Variants in TECPR1 observed in about 807,000 individuals in gnomAD.
TECPR1 encodes the protein tectonin beta-propeller repeat-containing protein 1.
TECPR1 carries 122 observed loss-of-function variants against 162.4 expected under a neutral mutation model. The observed-to-expected ratio is 0.75, with a 90% CI of 0.65 to 0.87. TECPR1 has a LOEUF of 0.87. Ranked by LOEUF, TECPR1 falls within the 40% of genes least tolerant of loss-of-function variation. The probability of loss-of-function intolerance (pLI) is 0.00; values close to 1 mark genes in which losing one functional copy is unlikely to be tolerated. For synonymous variants in TECPR1, 642 were observed against 670.6 expected, an observed-to-expected ratio of 0.96 and a Z score of 0.66; for missense variants, 1,432 against 1,618.2, an observed-to-expected ratio of 0.88 and a Z score of 1.97.
At position 98,215,556 on chromosome 7, in the gene TECPR1, G is replaced by C. The variant is rs1013143184; in HGVS notation, c.*1834C>G. The C allele has an allele frequency of 6.6e-6, 1 of 152,308 alleles. No homozygotes were observed. The highest frequency in any genetic ancestry group is 1.5e-5 in the Non-Finnish European group (1 of 68,056). The allele number at this position is 152,308 out of a possible 1,614,324, so 9.4% of individuals were successfully genotyped here. On this transcript the variant is annotated 3_prime_UTR_variant, in exon 26 of 26. Coordinates refer to ENST00000447648, the MANE Select transcript of TECPR1 (RefSeq NM_015395.3). ...TATTGAGTAAAGTATCCGAGGAAGT[G>C]ATGCAGGGCAGGTAAACAGCTGGTG...
intron 19 of TECPR1, 125 bp from the exon 20 acceptor site, chr7:98,223,843 G>A (rs1798207299): frequency 1.9e-6 from 2 of 1,054,462 alleles, no homozygotes; most frequent in East Asian, 5.0e-5. Flanking sequence ...CCATGGATGG[G>A]GTTCAGAGAA....
intron 3 of TECPR1, 183 bp from the exon 4 acceptor site, chr7:98,245,250 T>C: frequency 1.5e-6 from 1 of 647,484 alleles, no homozygotes; most frequent in South Asian, 1.9e-5. Context: ...TGCCACTTCA[T>C]CATGAGCCAG....
At chr7:98,243,744 G>A (rs1002545951) in intron 5 of TECPR1, among the ~76,000 whole-genome samples, 152 bp from the exon 6 acceptor site, 7 of 152,148 alleles carry the variant, frequency 4.6e-5, no homozygotes, top group Non-Finnish European at 7.4e-5. Context: ...CAGGACTGTG[G>A]GGGCCCCTGC....
chr7:98,220,984 C>A (rs1798126100), intron 23 of TECPR1, among the ~76,000 whole-genome samples: 1 of 150,064 alleles, frequency 6.7e-6, no homozygotes, highest in South Asian at 2.2e-4. Context: ...AGCCACTGTG[C>A]CTGGCTAATG....
In TECPR1 at chr7:98,223,018, C is replaced by T. The variant is rs1484380422; in HGVS notation, c.2900G>A (p.Arg967His). 7.4e-6 allele frequency: 12 copies of T among 1,611,598 alleles called. No homozygotes were observed. Among genetic ancestry groups the T allele is most frequent in the Admixed American group, 1.7e-5 (1 of 59,858 alleles). The part of the protein sequence containing the change: ...AVSDKGDVLC[R>H]LGVSELNPAG... ...AGGGTTGAGCTCCGACACGCCCAGG[C>T]GGCACAGCACATCCCCCTTGTCGCT... is the stretch of plus-strand genomic sequence containing the variant. Residue 967 changes from arginine to histidine, a missense_variant, in exon 21 of 26, where the codon CGC becomes CAC. Physicochemically the swap from Arg to His is conservative, Grantham distance 29. Transcript: ENST00000447648.
chr7:98,222,829 G>A (rs1180564240), intron 21 of TECPR1, 161 bp downstream of exon 21: 13 of 966,754 alleles, frequency 1.3e-5, no homozygotes, highest in South Asian at 4.6e-5. Flanking sequence ...CGCCCCACCC[G>A]CCTCATTCCT....
At chr7:98,249,917 C>CAA (rs111383254) in intron 2 of TECPR1, among the ~76,000 whole-genome samples, 2 of 132,606 alleles carry the variant, frequency 1.5e-5, no homozygotes, top group African/African-American at 2.8e-5. Context: ...GACTCCATCT[C>CAA]AAAAAAAAAA....
intron 23 of TECPR1, among the ~76,000 whole-genome samples, chr7:98,219,793 C>T (rs1164685586): frequency 1.3e-5 from 2 of 151,536 alleles, no homozygotes; most frequent in East Asian, 2.0e-4. Context: ...CCCAGCTACT[C>T]GGGAGGCTGA....
intron 2 of TECPR1, among the ~76,000 whole-genome samples, chr7:98,248,800 T>C (rs1448469970): frequency 6.6e-6 from 1 of 151,342 alleles, no homozygotes; most frequent in Non-Finnish European, 1.5e-5. Context: ...GAGCCGAGAT[T>C]GCACCACTGC....
At position 98,235,849 on chromosome 7, in the gene TECPR1, A is replaced by AAACAAAAAAAAAAAAAAACAAC. The variant is rs1554401446; in HGVS notation, c.1181+926_1181+927insGTTGTTTTTTTTTTTTTTTGTT. On this transcript the variant is annotated intron_variant, in intron 10 of 25. Coordinates refer to ENST00000447648, the MANE Select transcript of TECPR1 (RefSeq NM_015395.3). ...TCTCAAAAAAAAAAAAAAAAAAAAA[A>AAACAAAAAAAAAAAAAAACAAC]AACACCATCTGAGCAGACTAAACCC... Among the ~76,000 whole-genome samples the AAACAAAAAAAAAAAAAAACAAC allele has an allele frequency of 1.8e-4, 20 of 110,240 alleles. 2 individuals are homozygous for AAACAAAAAAAAAAAAAAACAAC. Among genetic ancestry groups the AAACAAAAAAAAAAAAAAACAAC allele is most frequent in the East Asian group, 2.3e-4 (1 of 4,400 alleles). 72.3% of individuals were successfully genotyped at this position (110,240 alleles called of 152,430 possible).
intron 5 of TECPR1, among the ~76,000 whole-genome samples, chr7:98,244,291 C>T (rs905549833): frequency 6.6e-6 from 1 of 152,188 alleles, no homozygotes; most frequent in Non-Finnish European, 1.5e-5. Context: ...GACAAAGTGC[C>T]AGATGGAGGC....
chr7:98,251,286 T>C (rs1221007530), intron 2 of TECPR1, 108 bp downstream of exon 2: 3 of 151,176 alleles, frequency 2.0e-5, no homozygotes, highest in African/African-American at 7.3e-5. Flanking sequence ...TCTGTCTCAG[T>C]TTATTCACAG....
At position 98,216,582 on chromosome 7, in the gene TECPR1, ATGGAGTCTCTGTCGCCCAGGC is replaced by A. The variant is rs1289246191; in HGVS notation, c.*787_*807del. 8.6e-6 allele frequency: 1 copy of A among 116,168 alleles called. No individual in the cohort carries two copies. The highest frequency in any genetic ancestry group is 1.7e-5 in the Non-Finnish European group (1 of 58,508). The allele number at this position is 116,168 out of a possible 1,614,324, so 7.2% of individuals were successfully genotyped here. Reference sequence around the variant, plus strand: ...ACTTTTTTTTTTTTTTTTTTTTGAGATGGAGTCTCTGTCGCCCAGGCTGGAGTGCAGTGGCATGATCTCGGC... The same window carrying A: ...ACTTTTTTTTTTTTTTTTTTTTGAGATGGAGTGCAGTGGCATGATCTCGGC... On this transcript the variant is annotated 3_prime_UTR_variant, in exon 26 of 26. Transcript: ENST00000447648.
intron 19 of TECPR1, among the ~76,000 whole-genome samples, chr7:98,224,352 C>T (rs925709858): frequency 6.6e-6 from 1 of 152,224 alleles, no homozygotes; most frequent in African/African-American, 2.4e-5. Context: ...GCTCACACTG[C>T]CCCTTCACCT....
Position 98,231,744 on chromosome 7 carries a change from T to A in TECPR1, c.1974+60A>T, listed in dbSNP as rs558447084. ...GGCACCCCCATTTCTGTACCCCTCC[T>A]CTAGCACCCCAGCCCTGTGTCCCCT... is the stretch of plus-strand genomic sequence containing the variant. On this transcript the variant is annotated intron_variant, in intron 13 of 25. Coordinates refer to ENST00000447648, the MANE Select transcript of TECPR1 (RefSeq NM_015395.3). 1.6e-4 allele frequency: 240 copies of A among 1,486,930 alleles called. 2 individuals carry two copies. In the African/African-American group the frequency reaches 3.1e-3, roughly 19 times the overall value. The allele number at this position is 1,486,930 out of a possible 1,614,324, so 92.1% of individuals were successfully genotyped here.
At chr7:98,251,811 C>T (rs1158933260) in intron 1 of TECPR1, 2 of 152,276 alleles carry the variant, frequency 1.3e-5, no homozygotes, top group Non-Finnish European at 2.9e-5. Context: ...GATAGGCAGG[C>T]CCCTTGCTGC....
chr7:98,242,158 GA>G (rs1221769405), intron 6 of TECPR1, among the ~76,000 whole-genome samples: 7 of 152,234 alleles, frequency 4.6e-5, no homozygotes, highest in Non-Finnish European at 8.8e-5. Context: ...CGTGGCCGCA[GA>G]GGGGGGCTGC....
At position 98,231,973 on chromosome 7, in the gene TECPR1, G is replaced by T. The variant is rs778660313; in HGVS notation, c.1819-14C>A. ...CACCCACACCGACTGCGCAGGCCGG[G>T]GCAGTGGACACCATCACAGGCAGGC... On this transcript the variant is annotated splice_polypyrimidine_tract_variant and intron_variant, in intron 12 of 25. Coordinates refer to ENST00000447648, the MANE Select transcript of TECPR1 (RefSeq NM_015395.3). The T allele has an allele frequency of 6.3e-7, 1 of 1,591,790 alleles. No homozygotes were observed. Among genetic ancestry groups the T allele is most frequent in the Admixed American group, 1.7e-5 (1 of 58,938 alleles).
At chr7:98,242,338 G>C (rs1004052082) in intron 6 of TECPR1, among the ~76,000 whole-genome samples, 1 of 152,076 alleles carries the variant, frequency 6.6e-6, no homozygotes, top group Non-Finnish European at 1.5e-5. Context: ...GGGCTGCTTC[G>C]ATTCCTCTGC....
Sources: allele counts gnomAD v4.1 joint callset (sites outside exome capture counted in the v4.1 genomes callset), GRCh38; gene constraint gnomAD v4.1.1; transcripts MANE v1.5; gene names NCBI Gene and HGNC (gene_info 2026-07-23, HGNC 2026-07-21).